DDX4: variants seen among roughly 807,000 people sequenced by gnomAD.
DDX4 encodes DEAD-box helicase 4.
In DDX4, 25 loss-of-function variants were observed where a neutral mutation model predicts 100.0. The observed-to-expected ratio is 0.25, with a 90% CI of 0.18 to 0.35. The LOEUF (loss-of-function observed/expected upper bound fraction) is 0.35. Among genes scored for constraint, DDX4 ranks in the 10% least tolerant of loss-of-function variants. The probability of loss-of-function intolerance (pLI) is 1.00; values close to 1 mark genes in which losing one functional copy is unlikely to be tolerated. For synonymous variants in DDX4, 259 were observed against 275.7 expected (o/e 0.94, Z 0.60); for missense variants, 635 against 882.4 (o/e 0.72, Z 3.55).
rs1740439171 is a variant in DDX4 at position 55,760,280 on chromosome 5, A to G, written c.205+3A>G. The stretch of plus-strand genomic sequence containing the variant: ...TGGGCGGAATTTTGGAAACAGAGGT[A>G]AGCATCTTTGTCTTTCCTTAATCTC... On this transcript the variant is annotated splice_donor_region_variant and intron_variant, in intron 4 of 21. Transcript: ENST00000505374. 2 of 1,557,806 alleles carry G rather than the reference A, an allele frequency of 1.3e-6. No individual in the cohort carries two copies. Among genetic ancestry groups the G allele is most frequent in the Admixed American group, 2.1e-5 (1 of 47,016 alleles).
intron 18 of DDX4, among the ~76,000 whole-genome samples, chr5:55,805,376 G>A (rs1332251871): frequency 6.6e-5 from 10 of 151,474 alleles, no homozygotes; most frequent in African/African-American, 2.2e-4. Context: ...TAGGAGTGGT[G>A]AGAGAGGGCA....
chr5:55,789,493 T>C (rs779742384), intron 15 of DDX4, among the ~76,000 whole-genome samples: 4 of 152,234 alleles, frequency 2.6e-5, no homozygotes, highest in African/African-American at 4.8e-5. Flanking sequence ...TGGCTTCCCC[T>C]AGATTAAGTG....
chr5:55,790,303 C>A (rs756604984), intron 15 of DDX4, among the ~76,000 whole-genome samples: 1 of 151,918 alleles, frequency 6.6e-6, no homozygotes, highest in Non-Finnish European at 1.5e-5. Context: ...TGCTACCATG[C>A]CTGGCCAATT....
At chr5:55,746,251 T>C in intron 3 of DDX4, 30 bp downstream of exon 3, 1 of 1,585,858 alleles carries the variant, frequency 6.3e-7, no homozygotes, top group African/African-American at 1.4e-5. Context: ...GGTAAAACCC[T>C]TTTTAGTTTA....
chr5:55,804,921 C>A (rs1304813328), intron 18 of DDX4, among the ~76,000 whole-genome samples: 1 of 151,498 alleles, frequency 6.6e-6, no homozygotes, highest in Non-Finnish European at 1.5e-5. Flanking sequence ...GGCAGTATGG[C>A]CATTTTCACG....
intron 3 of DDX4, among the ~76,000 whole-genome samples, chr5:55,757,781 C>T (rs994997384): frequency 1.3e-5 from 2 of 152,114 alleles, no homozygotes; most frequent in Admixed American, 6.5e-5. Context: ...CGGTGGCTCA[C>T]GCCTGTAGTC....
intron 8 of DDX4, 94 bp downstream of exon 8, chr5:55,780,159 T>C: frequency 6.6e-7 from 1 of 1,525,738 alleles, no homozygotes; most frequent in Non-Finnish European, 8.8e-7. Context: ...TTATGAGGAT[T>C]ATATGAGAAT....
chr5:55,793,188 G>A (rs1028926877), intron 17 of DDX4, among the ~76,000 whole-genome samples: 4 of 152,036 alleles, frequency 2.6e-5, no homozygotes, highest in African/African-American at 4.8e-5. Context: ...CTGAGGCTTT[G>A]GTAGAAAATT....
intron 18 of DDX4, among the ~76,000 whole-genome samples, chr5:55,805,261 A>G (rs889459802): frequency 2.0e-5 from 3 of 152,168 alleles, no homozygotes; most frequent in Non-Finnish European, 2.9e-5. Context: ...CAGTCATGTC[A>G]TCTGCAAACA....
intron 2 of DDX4, among the ~76,000 whole-genome samples, chr5:55,745,787 A>G (rs1759218360): frequency 1.3e-5 from 2 of 152,196 alleles, no homozygotes; most frequent in South Asian, 2.1e-4. Context: ...GTCAGGTGTC[A>G]GCAAACCCTT....
rs759506976 is a variant in DDX4, at chr5:55,815,141, A to G, written c.1956A>G (p.Leu652=). 4 of 1,614,240 alleles carry G rather than the reference A, an allele frequency of 2.5e-6. No individual in the cohort carries two copies. The highest frequency in any genetic ancestry group is 3.4e-6 in the Non-Finnish European group (4 of 1,180,036). The change falls in exon 20 of 22, where the codon TTA becomes TTG. Residue 652 remains leucine (L), a synonymous_variant. Transcript: ENST00000505374. Reference sequence around the variant, plus strand: ...TTGATCTTGAATCGGATAACCATTTAGCACAGCCTCTAGTAAAAGTATTGA... The same window carrying G: ...TTGATCTTGAATCGGATAACCATTTGGCACAGCCTCTAGTAAAAGTATTGA... ...SFFDLESDNH[L]AQPLVKVLTD... is the part of the protein sequence containing the mutation.
intron 18 of DDX4, among the ~76,000 whole-genome samples, chr5:55,804,470 T>G (rs568329557): frequency 1.1e-4 from 16 of 152,338 alleles, no homozygotes; most frequent in African/African-American, 3.4e-4. Flanking sequence ...AACGTTTAAG[T>G]CTTTAATCCA....
rs938394087 is a variant in DDX4 at position 55,785,978 on chromosome 5, A to G, written c.864+107A>G. 8.1e-5 allele frequency: 58 copies of G among 719,132 alleles called. No homozygotes were observed. In the African/African-American group the frequency reaches 9.4e-4, roughly 12 times the overall value. 44.5% of individuals were successfully genotyped at this position (719,132 alleles called of 1,614,324 possible). On this transcript the variant is annotated intron_variant, in intron 13 of 21. Transcript: ENST00000505374. The stretch of plus-strand genomic sequence containing the variant: ...TCAACACATAGATTTCACCTTTCGT[A>G]TATAAGGTCTTAGGTTGGAAATTTA...
At chr5:55,814,234 T>TA (rs1184077149) in intron 19 of DDX4, among the ~76,000 whole-genome samples, 3 of 152,232 alleles carry the variant, frequency 2.0e-5, no homozygotes, top group African/African-American at 7.2e-5. Context: ...ACTTTAAAAA[T>TA]ATGTTTTTAA....
chr5:55,801,557 T>C (rs751149216), intron 18 of DDX4, among the ~76,000 whole-genome samples: 2 of 152,198 alleles, frequency 1.3e-5, no homozygotes, highest in Non-Finnish European at 2.9e-5. Flanking sequence ...TTTTGCTTAC[T>C]TCAAATTCTT....
intron 7 of DDX4, among the ~76,000 whole-genome samples, chr5:55,771,502 A>G (rs1241511402): frequency 6.6e-6 from 1 of 152,098 alleles, no homozygotes; most frequent in East Asian, 1.9e-4. Context: ...AGTGATAGGT[A>G]TTTGGATTAC....
chr5:55,808,550 C>G (rs1380857385), intron 18 of DDX4, among the ~76,000 whole-genome samples: 1 of 152,238 alleles, frequency 6.6e-6, no homozygotes, highest in African/African-American at 2.4e-5. Context: ...GCACCCTCAG[C>G]TGCAGGTCTG....
chr5:55,815,724 A>G (rs1744358363), intron 21 of DDX4, among the ~76,000 whole-genome samples: 2 of 151,728 alleles, frequency 1.3e-5, no homozygotes, highest in Non-Finnish European at 2.9e-5. Flanking sequence ...AACATTAATT[A>G]ATATAAAATA....
chr5:55,807,313 C>T (rs781470824), intron 18 of DDX4, among the ~76,000 whole-genome samples: 3 of 152,012 alleles, frequency 2.0e-5, no homozygotes, highest in East Asian at 3.9e-4. Flanking sequence ...GAGCATTTAG[C>T]CCATTTACAT....
Sources: gnomAD v4.1 joint callset for allele counts (sites outside exome capture counted in the v4.1 genomes callset) on GRCh38, gnomAD v4.1.1 for gene constraint, MANE v1.5 for transcripts, NCBI Gene and HGNC (gene_info 2026-07-23, HGNC 2026-07-21) for gene names.